ZBTB38: variants seen among roughly 807,000 people sequenced by gnomAD.
ZBTB38 encodes the protein zinc finger and BTB domain-containing protein 38.
ZBTB38 carries 20 observed loss-of-function variants against 76.8 expected under a neutral mutation model. The observed-to-expected ratio is 0.26, with a 90% CI of 0.18 to 0.38. ZBTB38 has a LOEUF of 0.38. ZBTB38 is among the 10% of genes least tolerant of loss of function. ZBTB38 has a pLI of 1.00. For synonymous variants in ZBTB38, 504 were observed against 544.2 expected (o/e 0.93, Z 1.03); for missense variants, 1,082 against 1,482.3 (o/e 0.73, Z 4.43).
At chr3:141,424,136 C>G (rs918832802) in intron 5 of ZBTB38, among the ~76,000 whole-genome samples, 1 of 152,238 alleles carries the variant, frequency 6.6e-6, no homozygotes, top group African/African-American at 2.4e-5. Flanking sequence ...TATTGATGAT[C>G]TAAGTATTTA....
chr3:141,432,260 A>G (rs529264303), intron 5 of ZBTB38: 3 of 985,450 alleles, frequency 3.0e-6, no homozygotes, highest in African/African-American at 1.7e-5. Context: ...ATCCTAATAC[A>G]GTGCGTTCTT....
chr3:141,391,200 G>A (rs560477898), intron 4 of ZBTB38, among the ~76,000 whole-genome samples: 8 of 152,014 alleles, frequency 5.3e-5, no homozygotes, highest in Non-Finnish European at 1.2e-4. Context: ...ATAAGTGAGG[G>A]TTATGTGGTT....
chr3:141,393,076 G>A (rs896530981), intron 4 of ZBTB38, among the ~76,000 whole-genome samples: 2 of 152,198 alleles, frequency 1.3e-5, no homozygotes, highest in African/African-American at 2.4e-5. Context: ...TGTTTGGCCT[G>A]TGGAGGGAGT....
chr3:141,344,681 C>G (rs1481397519), intron 1 of ZBTB38, among the ~76,000 whole-genome samples: 1 of 152,194 alleles, frequency 6.6e-6, no homozygotes, highest in Non-Finnish European at 1.5e-5. Context: ...GCTCTTCCAT[C>G]TTCAAAGCCA....
At position 141,445,020 on chromosome 3, in the gene ZBTB38, G is replaced by A. The variant is rs2080907261; in HGVS notation, c.2632G>A (p.Gly878Arg). 1 of 1,614,060 alleles carries A rather than the reference G, an allele frequency of 6.2e-7. No homozygotes were observed. Among genetic ancestry groups the A allele is most frequent in the Non-Finnish European group, 8.5e-7 (1 of 1,180,044 alleles). Residue 878 changes from glycine (G) to arginine (R), a missense_variant, in exon 6 of 6, where the codon GGG becomes AGG. Gly to Arg is a moderately radical substitution (Grantham distance 125). This residue lies in a region of ZBTB38 where 471 missense variants were observed against 581.0 expected (regional missense o/e 0.81). Transcript: ENST00000321464. This position sits in a 1 kb window ranked among gnomAD's most constrained non-coding sequence, Gnocchi z 6.5. Reference sequence around the variant, plus strand: ...GATGCAGGAGGAGCCTTTGCCACAGGGGAATGACCCAGAACCCAGTGGAGA... The same window carrying A: ...GATGCAGGAGGAGCCTTTGCCACAGAGGAATGACCCAGAACCCAGTGGAGA... ...YQMQEEPLPQ[G>R]NDPEPSGDSP...
intron 4 of ZBTB38, among the ~76,000 whole-genome samples, chr3:141,390,528 C>T (rs888940162): frequency 6.6e-6 from 1 of 152,194 alleles, no homozygotes; most frequent in African/African-American, 2.4e-5. Context: ...ATGGATCCCC[C>T]GGAGATGGAC....
At position 141,418,017 on chromosome 3, in the gene ZBTB38, A is replaced by G. The variant is rs555285201; in HGVS notation, c.-1+13986A>G. 6.6e-5 allele frequency among the ~76,000 whole-genome samples: 10 copies of G among 152,328 alleles called. No homozygotes were observed. The South Asian group carries it at 1.0e-3, about 16-fold the overall frequency. On this transcript the variant is annotated intron_variant, in intron 5 of 5. Transcript: ENST00000321464. ...GACAGAGCGAGACTCATCTCAAAAA[A>G]ATAAATAAATAAAAAATAAAAAGCC... is the stretch of plus-strand genomic sequence containing the variant.
intron 1 of ZBTB38, among the ~76,000 whole-genome samples, chr3:141,346,764 G>A (rs138489603): frequency 2.6e-3 from 322 of 123,122 alleles, no homozygotes; most frequent in Middle Eastern, 8.7e-3. Context: ...CAAACTCTCC[G>A]AGGTTTTTTG....
chr3:141,380,142 A>G (rs1363989038), intron 2 of ZBTB38, among the ~76,000 whole-genome samples: 1 of 152,216 alleles, frequency 6.6e-6, no homozygotes, highest in African/African-American at 2.4e-5. Context: ...TGTAAATATG[A>G]CACTTACTCT....
intron 2 of ZBTB38, among the ~76,000 whole-genome samples, chr3:141,373,035 C>T (rs187291894): frequency 1.3e-5 from 2 of 152,304 alleles, no homozygotes; most frequent in East Asian, 1.9e-4. Flanking sequence ...ACCACCACAT[C>T]AGGTACCAGA....
In ZBTB38 at chr3:141,381,452, G is replaced by T. The variant is rs1946183187; in HGVS notation, c.-207G>T. ...CTTTCCTGGAGAGTAACCCCAGTTT[G>T]GTCCACAAGGCTTGCTGCCCAATCT... On this transcript the variant is annotated 5_prime_UTR_variant, in exon 3 of 6. Coordinates refer to ENST00000321464, the MANE Select transcript of ZBTB38 (RefSeq NM_001376113.1). 1.3e-5 allele frequency: 2 copies of T among 152,274 alleles called. No individual in the cohort carries two copies. Among genetic ancestry groups the T allele is most frequent in the Non-Finnish European group, 2.9e-5 (2 of 68,110 alleles). The allele number at this position is 152,274 out of a possible 1,614,324, so 9.4% of individuals were successfully genotyped here.
At chr3:141,330,944 G>A (rs1942830305) in intron 1 of ZBTB38, among the ~76,000 whole-genome samples, 1 of 152,156 alleles carries the variant, frequency 6.6e-6, no homozygotes, top group Non-Finnish European at 1.5e-5. Flanking sequence ...ATAACTAAAG[G>A]AAATACATTT....
At chr3:141,353,406 T>A (rs1943575950) in intron 1 of ZBTB38, among the ~76,000 whole-genome samples, 1 of 152,062 alleles carries the variant, frequency 6.6e-6, no homozygotes, top group African/African-American at 2.4e-5. Context: ...TAGAGAAAAG[T>A]AAAGAATTCT....
At chr3:141,418,036 A>G (rs2074474969) in intron 5 of ZBTB38, among the ~76,000 whole-genome samples, 1 of 152,166 alleles carries the variant, frequency 6.6e-6, no homozygotes, top group Admixed American at 6.5e-5. Context: ...ATAAAAAATA[A>G]AAAGCCCAAT....
At chr3:141,368,112 G>A (rs1458681750), upstream of ZBTB38, among the ~76,000 whole-genome samples, 2 of 152,196 alleles carry the variant, frequency 1.3e-5, no homozygotes, top group African/African-American at 4.8e-5. Flanking sequence ...TGAGTAAGGT[G>A]GGCACCACAC....
chr3:141,337,307 G>A (rs189702678), intron 1 of ZBTB38, among the ~76,000 whole-genome samples: 8 of 152,294 alleles, frequency 5.3e-5, no homozygotes, highest in East Asian at 3.9e-4. Context: ...TCCTACAGCC[G>A]AGTAATATGT....
rs535670287 is a variant in ZBTB38, at chr3:141,447,471, A to G, written c.*1495A>G. ...TAATTGCCCTACAGCATATTCTATC[A>G]TGTGGACTAGGTTCCTGGAAAGCCG... On this transcript the variant is annotated 3_prime_UTR_variant, in exon 6 of 6. Coordinates refer to ENST00000321464, the MANE Select transcript of ZBTB38 (RefSeq NM_001376113.1). 14 of 152,658 alleles carry G rather than the reference A, an allele frequency of 9.2e-5. No individual in the cohort carries two copies. Among genetic ancestry groups the G allele is most frequent in the South Asian group, 2.1e-4 (1 of 4,826 alleles). The allele number at this position is 152,658 out of a possible 1,614,324, so 9.5% of individuals were successfully genotyped here. A position where few individuals can be genotyped will look rare whatever the true frequency, so the allele number is the denominator to read the frequency against.
At chr3:141,386,468 C>CT (rs1947161785) in intron 3 of ZBTB38, 1 of 152,216 alleles carries the variant, frequency 6.6e-6, no homozygotes, top group African/African-American at 2.4e-5. Context: ...TTCTACAAGC[C>CT]TGCCGGCACC....
intron 5 of ZBTB38, among the ~76,000 whole-genome samples, chr3:141,425,536 C>G (rs2076225607): frequency 1.3e-5 from 2 of 152,236 alleles, no homozygotes; most frequent in Admixed American, 6.5e-5. Flanking sequence ...TGGCCTTCTT[C>G]TGGCAGGCAC....
Sources: allele counts gnomAD v4.1 joint callset (sites outside exome capture counted in the v4.1 genomes callset), GRCh38; gene constraint gnomAD v4.1.1; regional missense constraint gnomAD v4.1.1; non-coding constraint Gnocchi (gnomAD v3.1); transcripts MANE v1.5; gene names NCBI Gene and HGNC (gene_info 2026-07-23, HGNC 2026-07-21).